Variants in PLAAT1 observed in about 807,000 individuals in gnomAD.
PLAAT1 encodes phospholipase A and acyltransferase 1, also known as H-REV107 protein-related protein.
PLAAT1 carries 13 observed loss-of-function variants against 16.4 expected under a neutral mutation model. The ratio of observed to expected loss-of-function variants is 0.79; its 90% CI spans 0.52 to 1.26. The LOEUF is 1.26. Ranked by LOEUF, PLAAT1 falls within the 50% of genes most tolerant of loss-of-function variation. The pLI is 0.00. For synonymous variants in PLAAT1, 73 were observed against 78.4 expected (o/e 0.93, Z 0.36); for missense variants, 218 against 207.8 (o/e 1.05, Z -0.30).
chr3:193,273,561 C>A (rs905875064), downstream of PLAAT1, among the ~76,000 whole-genome samples: 1 of 152,160 alleles, frequency 6.6e-6, no homozygotes, highest in Admixed American at 6.5e-5. Flanking sequence ...ATCCGTACAT[C>A]ATGGTATTAG....
At chr3:193,280,031 C>A (rs1361177323), downstream of PLAAT1, among the ~76,000 whole-genome samples, 2 of 116,302 alleles carry the variant, frequency 1.7e-5, no homozygotes, top group Non-Finnish European at 3.4e-5. Context: ...ACATAATAAT[C>A]TTCCTGTCTT....
intron 1 of PLAAT1, among the ~76,000 whole-genome samples, chr3:193,243,201 A>G (rs1283151862): frequency 6.6e-6 from 1 of 152,154 alleles, no homozygotes; most frequent in Non-Finnish European, 1.5e-5. Flanking sequence ...AAAATGAAGC[A>G]TTTTTTTACC....
intron 1 of PLAAT1, among the ~76,000 whole-genome samples, chr3:193,253,635 A>G (rs538469452): frequency 3.9e-5 from 6 of 152,218 alleles, no homozygotes; most frequent in Admixed American, 2.0e-4. Flanking sequence ...GAGGAAACAG[A>G]CTAAGTTCCA....
chr3:193,240,974 G>C (rs934765681), upstream of PLAAT1, among the ~76,000 whole-genome samples: 1 of 152,146 alleles, frequency 6.6e-6, no homozygotes, highest in African/African-American at 2.4e-5. Context: ...CCTAAACGTT[G>C]GCTGCGGGAA....
At chr3:193,268,601 C>T (rs1270529004) in intron 3 of PLAAT1, among the ~76,000 whole-genome samples, 1 of 152,212 alleles carries the variant, frequency 6.6e-6, no homozygotes, top group African/African-American at 2.4e-5. Flanking sequence ...CATCCCATTA[C>T]TCCTAACTCC....
At chr3:193,277,647 CT>C (rs1190291003) in exon 3 of PLAAT1, 1 of 152,128 alleles carries the variant, frequency 6.6e-6, no homozygotes, top group Non-Finnish European at 1.5e-5. Flanking sequence ...TGGAGACAGT[CT>C]TAATCAAGTT....
At chr3:193,278,218 C>T (rs1717315903), downstream of PLAAT1, among the ~76,000 whole-genome samples, 2 of 152,290 alleles carry the variant, frequency 1.3e-5, no homozygotes, top group South Asian at 2.1e-4. Context: ...TCTGGAGCTT[C>T]GTGTTTGATA....
chr3:193,257,954 G>A (rs1214282656), intron 2 of PLAAT1, among the ~76,000 whole-genome samples: 1 of 152,170 alleles, frequency 6.6e-6, no homozygotes, highest in Admixed American at 6.5e-5. Flanking sequence ...GGGACTCTCA[G>A]GCCTTTGGCC....
intron 1 of PLAAT1, among the ~76,000 whole-genome samples, chr3:193,252,347 A>G (rs1716223276): frequency 1.3e-5 from 2 of 152,212 alleles, no homozygotes; most frequent in South Asian, 4.1e-4. Flanking sequence ...ACATTTCAAC[A>G]TGATATTTGG....
chr3:193,248,078 T>A (rs1030357898), intron 1 of PLAAT1, among the ~76,000 whole-genome samples: 2 of 152,192 alleles, frequency 1.3e-5, no homozygotes, highest in African/African-American at 4.8e-5. Flanking sequence ...TTGCTTTATG[T>A]ATTCGGTGCT....
intron 3 of PLAAT1, among the ~76,000 whole-genome samples, chr3:193,264,041 A>G (rs1426033518): frequency 1.3e-5 from 2 of 152,194 alleles, no homozygotes; most frequent in Admixed American, 6.5e-5. Context: ...TAAAATATGA[A>G]AAATAATTTA....
intron 1 of PLAAT1, among the ~76,000 whole-genome samples, chr3:193,248,388 G>A (rs1716061357): frequency 1.3e-5 from 2 of 151,784 alleles, no homozygotes; most frequent in Admixed American, 6.6e-5. Flanking sequence ...TGTTTTGACT[G>A]GAGAATTTAA....
At chr3:193,252,072 A>T (rs1716210894) in intron 1 of PLAAT1, among the ~76,000 whole-genome samples, 1 of 152,188 alleles carries the variant, frequency 6.6e-6, no homozygotes, top group Admixed American at 6.5e-5. Context: ...TCACAGCTCC[A>T]TAGGGCGTAC....
At position 193,255,729 on chromosome 3, in the gene PLAAT1, G is replaced by A. The variant is rs766533672; in HGVS notation, c.79G>A (p.Gly27Ser). 6.2e-7 allele frequency: 1 copy of A among 1,613,152 alleles called. No homozygotes were observed. Among genetic ancestry groups the A allele is most frequent in the Non-Finnish European group, 8.5e-7 (1 of 1,179,496 alleles). ...PGDLIEVFRP[G>S]YQHWALYLGD... is the part of the protein sequence containing the mutation. ...GGACTTGATCGAAGTGTTCCGTCCT[G>A]GCTATCAGCACTGGGCCCTGTACTT... The change falls in exon 2 of 4, where the codon GGC (glycine) becomes AGC (serine). Residue 27 changes from glycine to serine, a missense_variant. By Grantham distance (56) the Gly-to-Ser change is moderately conservative (BLOSUM62 0). Coordinates refer to ENST00000264735, the MANE Select transcript of PLAAT1 (RefSeq NM_020386.5).
At chr3:193,249,905 C>T (rs1716130377) in intron 1 of PLAAT1, among the ~76,000 whole-genome samples, 1 of 152,114 alleles carries the variant, frequency 6.6e-6, no homozygotes, top group African/African-American at 2.4e-5. Context: ...ATTGCTTTCC[C>T]TACCTCAATA....
chr3:193,260,506 TA>T (rs1484922269), intron 2 of PLAAT1, among the ~76,000 whole-genome samples: 2 of 151,900 alleles, frequency 1.3e-5, no homozygotes, highest in African/African-American at 4.8e-5. Flanking sequence ...AATCAACATG[TA>T]AAAAATAATC....
chr3:193,247,650 CAA>C (rs150312188), intron 1 of PLAAT1, among the ~76,000 whole-genome samples: 3,726 of 152,062 alleles, frequency 0.025, 129 homozygotes, highest in African/African-American at 0.068. Flanking sequence ...TTTTTTGTCT[CAA>C]GATATTTTTA....
intron 1 of PLAAT1, among the ~76,000 whole-genome samples, chr3:193,242,497 CA>C (rs1715808872): frequency 6.6e-6 from 1 of 151,946 alleles, no homozygotes; most frequent in Non-Finnish European, 1.5e-5. Context: ...TCAGTATTAA[CA>C]AAAACAAAAC....
At chr3:193,243,537 G>A (rs886229779) in intron 1 of PLAAT1, among the ~76,000 whole-genome samples, 2 of 152,176 alleles carry the variant, frequency 1.3e-5, no homozygotes, top group African/African-American at 2.4e-5. Flanking sequence ...GTATTTGCAT[G>A]CTTTTGCAGC....
Sources: gnomAD v4.1 joint callset for allele counts (sites outside exome capture counted in the v4.1 genomes callset) on GRCh38, gnomAD v4.1.1 for gene constraint, MANE v1.5 for transcripts, NCBI Gene and HGNC (gene_info 2026-07-23, HGNC 2026-07-21) for gene names.